Variants in CNGA1 observed in about 807,000 individuals in gnomAD.
CNGA1 encodes cyclic nucleotide gated channel subunit alpha 1.
Under a neutral mutation model 69.7 loss-of-function variants are expected in CNGA1, and 53 were observed. The observed-to-expected ratio is 0.76, with a 90% CI of 0.61 to 0.96. The LOEUF (loss-of-function observed/expected upper bound fraction) is 0.96. Ranked by LOEUF, CNGA1 falls within the 40% of genes least tolerant of loss-of-function variation. The pLI is 0.00. For missense variants in CNGA1, 739 were observed against 811.2 expected (o/e 0.91, Z 1.08); for synonymous variants, 249 against 283.5 (o/e 0.88, Z 1.22).
intron 3 of CNGA1, among the ~76,000 whole-genome samples, chr4:47,967,745 G>C (rs971861401): frequency 6.6e-6 from 1 of 152,150 alleles, no homozygotes; most frequent in African/African-American, 2.4e-5. Context: ...TTGGGAGGCC[G>C]AGGTGGGCGG....
chr4:47,951,555 G>A (rs1015874406), intron 4 of CNGA1, 86 bp from the exon 5 acceptor site: 7 of 854,576 alleles, frequency 8.2e-6, no homozygotes, highest in Non-Finnish European at 1.4e-5. Context: ...GGGGACAATT[G>A]CCTCACCTCT....
At chr4:47,952,468 A>T in intron 4 of CNGA1, 115 bp downstream of exon 4, 1 of 992,644 alleles carries the variant, frequency 1.0e-6, no homozygotes. Context: ...TAAATTTGCT[A>T]AATACATTAC....
At chr4:47,970,964 T>C in intron 3 of CNGA1, 1 of 453,754 alleles carries the variant, frequency 2.2e-6, no homozygotes, top group Non-Finnish European at 4.4e-6. Flanking sequence ...AAGTCCAGCT[T>C]GGCCAACATG....
At position 47,944,962 on chromosome 4, in the gene CNGA1, A is replaced by T. The variant is rs577578890; in HGVS notation, c.288-1550T>A. 3.3e-5 allele frequency among the ~76,000 whole-genome samples: 5 copies of T among 152,288 alleles called. No homozygotes were observed. The South Asian group carries it at 1.0e-3, about 32-fold the overall frequency. ...GGTTAATAGAATATAGTATTCCTAG[A>T]CAGATGGGAAGCCTGTTAGCTAGTT... On this transcript the variant is annotated intron_variant, in intron 6 of 10. Coordinates refer to ENST00000514170, the MANE Select transcript of CNGA1 (RefSeq NM_001379270.1).
chr4:47,993,490 G>A (rs1472040087), intron 2 of CNGA1, among the ~76,000 whole-genome samples: 2 of 152,012 alleles, frequency 1.3e-5, no homozygotes, highest in African/African-American at 2.4e-5. Context: ...GTTCATAGTA[G>A]CCTCGAATAA....
intron 6 of CNGA1, among the ~76,000 whole-genome samples, 180 bp downstream of exon 6, chr4:47,949,653 A>T (rs1473771114): frequency 2.0e-5 from 3 of 152,226 alleles, no homozygotes; most frequent in Non-Finnish European, 4.4e-5. Flanking sequence ...TTTTTTCTAC[A>T]TGTATTCAAA....
At chr4:47,958,928 G>A (rs1740262030) in intron 3 of CNGA1, 1 of 152,122 alleles carries the variant, frequency 6.6e-6, no homozygotes, top group South Asian at 2.1e-4. Flanking sequence ...AAGTAATGCA[G>A]AAACATAAGT....
chr4:47,953,053 C>A (rs1739840622), intron 3 of CNGA1, among the ~76,000 whole-genome samples: 1 of 152,154 alleles, frequency 6.6e-6, no homozygotes, highest in African/African-American at 2.4e-5. Flanking sequence ...GATTCCACTG[C>A]CTCCCACTGA....
chr4:47,970,802 G>T (rs1321832520), intron 3 of CNGA1: 1 of 450,780 alleles, frequency 2.2e-6, no homozygotes, highest in African/African-American at 2.0e-5. Context: ...ATACTATATA[G>T]TATTTCATCT....
chr4:47,943,488 A>G (rs908807841), intron 6 of CNGA1, 76 bp from the exon 7 acceptor site: 1 of 965,226 alleles, frequency 1.0e-6, no homozygotes. Context: ...CATTGAGCAA[A>G]AATCTCAGCT....
intron 5 of CNGA1, among the ~76,000 whole-genome samples, chr4:47,950,343 C>T (rs1040720719): frequency 2.0e-5 from 3 of 152,248 alleles, no homozygotes; most frequent in African/African-American, 4.8e-5. Context: ...CCATGTAAGA[C>T]ATGACTTTGC....
chr4:47,958,824 A>G (rs560748898), intron 3 of CNGA1, among the ~76,000 whole-genome samples: 1 of 152,314 alleles, frequency 6.6e-6, no homozygotes, highest in Non-Finnish European at 1.5e-5. Context: ...GATATTTACT[A>G]AAGCTTTTTA....
chr4:47,976,325 A>T (rs1460665391), intron 3 of CNGA1, among the ~76,000 whole-genome samples: 4 of 25,124 alleles, frequency 1.6e-4, no homozygotes, highest in East Asian at 8.8e-4. Context: ...ATATATATGT[A>T]TATATATATA....
chr4:47,952,939 C>T (rs946986495), intron 3 of CNGA1: 17 of 243,964 alleles, frequency 7.0e-5, no homozygotes, highest in Non-Finnish European at 1.2e-4. Context: ...TACATGGCAG[C>T]AGGCAAGAGA....
chr4:47,996,014 T>C (rs915747094), intron 2 of CNGA1, among the ~76,000 whole-genome samples: 4 of 152,166 alleles, frequency 2.6e-5, no homozygotes, highest in African/African-American at 9.6e-5. Context: ...GGGTCTCTCA[T>C]CTGGGGATAC....
rs201341924 is a variant in CNGA1, at chr4:47,942,103, A to G, written c.483T>C (p.Tyr161=). 8.8e-4 allele frequency: 1,415 copies of G among 1,613,980 alleles called. 1 individual carries two copies. The highest frequency in any genetic ancestry group is 8.6e-4 in the Non-Finnish European group (1,017 of 1,179,864). ...ATGTGATGCAAAACAGCCAGTTGTA[A>G]TATGTGTTTCCCGAGGGATCAATAA... ...VVVIDPSGNT[Y]YNWLFCITLP... is the part of the protein sequence containing the mutation. The change falls in exon 9 of 11, where the codon TAT becomes TAC. Residue 161 remains tyrosine, a synonymous_variant. Coordinates refer to ENST00000514170, the MANE Select transcript of CNGA1 (RefSeq NM_001379270.1).
rs1054073569 is a variant in CNGA1, at chr4:47,936,404, T to C, written c.*17A>G. ...GGATCATGAGGCATGTCCCTGTTAATGACCAGCTTTTCGGTTCTATGTAGA... is the reference window on the plus strand; with the variant it reads ...GGATCATGAGGCATGTCCCTGTTAACGACCAGCTTTTCGGTTCTATGTAGA... On this transcript the variant is annotated 3_prime_UTR_variant, in exon 11 of 11. Transcript: ENST00000514170. The C allele has an allele frequency of 3.0e-5, 49 of 1,613,472 alleles. No homozygotes were observed. Among genetic ancestry groups the C allele is most frequent in the Non-Finnish European group, 3.7e-5 (44 of 1,179,506 alleles).
Position 47,936,464 on chromosome 4 carries a change from A to G in CNGA1, c.2018T>C (p.Ile673Thr), listed in dbSNP as rs562189832. Residue 673 changes from isoleucine (I) to threonine (T), a missense_variant, in exon 11 of 11, where the codon ATT becomes ACT. Transcript: ENST00000514170. Reference protein sequence around the residue: ...KPLIDTEFSSIEGPGAESGPI... With the variant: ...KPLIDTEFSSTEGPGAESGPI... ...CCCACTTTCCGCTCCAGGTCCCTCA[A>G]TACTTGAAAATTCTGTGTCAATAAG... 36 of 1,614,202 alleles carry G rather than the reference A, an allele frequency of 2.2e-5. No homozygotes were observed. The highest frequency in any genetic ancestry group is 1.3e-4 in the South Asian group (12 of 91,086).
At chr4:47,968,333 T>A (rs1371732) in intron 3 of CNGA1, among the ~76,000 whole-genome samples, 98,946 of 151,930 alleles carry the variant, frequency 0.65, 32,550 homozygotes, top group Non-Finnish European at 0.69. Context: ...GAGTTTTTTT[T>A]AATCTTTTTC....
Sources: allele counts gnomAD v4.1 joint callset (sites outside exome capture counted in the v4.1 genomes callset), GRCh38; gene constraint gnomAD v4.1.1; transcripts MANE v1.5; gene names NCBI Gene and HGNC (gene_info 2026-07-23, HGNC 2026-07-21).